The following SPINK13 variants were observed in gnomAD, a reference collection of about 807,000 sequenced individuals.
SPINK13 encodes serine peptidase inhibitor Kazal type 13.
In SPINK13, 11 loss-of-function variants were observed where a neutral mutation model predicts 11.0. The observed-to-expected ratio is 1.00, with a 90% CI of 0.63 to 1.65. SPINK13 has a LOEUF of 1.65. Ranked by LOEUF, SPINK13 falls within the 40% of genes most tolerant of loss-of-function variation. SPINK13 has a pLI of 0.00. For synonymous variants in SPINK13, 31 were observed against 35.6 expected, an observed-to-expected ratio of 0.87 and a Z score of 0.46; for missense variants, 113 against 117.7, an observed-to-expected ratio of 0.96 and a Z score of 0.19.
At chr5:148,275,122 T>C (rs1756405925) in intron 3 of SPINK13, among the ~76,000 whole-genome samples, 1 of 152,144 alleles carries the variant, frequency 6.6e-6, no homozygotes, top group Non-Finnish European at 1.5e-5. Flanking sequence ...CTCCTAATGC[T>C]ATTCCTCCCC....
chr5:148,280,707 A>C (rs946037736), intron 3 of SPINK13, among the ~76,000 whole-genome samples: 2 of 152,092 alleles, frequency 1.3e-5, no homozygotes, highest in Admixed American at 1.3e-4. Flanking sequence ...CTCCTCTTTG[A>C]GGTGTCCGTA....
Position 148,270,063 on chromosome 5 carries a change from A to T in SPINK13, c.-10A>T. On this transcript the variant is annotated 5_prime_UTR_variant, in exon 2 of 5. It removes an upstream start codon present in the reference 5' UTR. Transcript: ENST00000398450. ...AGGCCTTATCAAAGAAGAGTCTTAT[A>T]TGAGATCAAATGGCTGCCTTTCCCC... 6.2e-7 allele frequency: 1 copy of T among 1,613,890 alleles called. No homozygotes were observed. The highest frequency in any genetic ancestry group is 1.1e-5 in the South Asian group (1 of 91,074).
At chr5:148,280,308 A>G (rs183226249) in intron 3 of SPINK13, among the ~76,000 whole-genome samples, 254 of 152,068 alleles carry the variant, frequency 1.7e-3, no homozygotes, top group African/African-American at 5.9e-3. Flanking sequence ...CTCATTCTCC[A>G]TCTAGTTTTG....
intron 2 of SPINK13, among the ~76,000 whole-genome samples, chr5:148,271,653 G>T (rs962822278): frequency 6.6e-6 from 1 of 151,742 alleles, no homozygotes; most frequent in Non-Finnish European, 1.5e-5. Context: ...GTTTTGTTTT[G>T]TTCTGTTGGA....
chr5:148,277,627 G>T (rs534465297), intron 3 of SPINK13, among the ~76,000 whole-genome samples: 1 of 152,154 alleles, frequency 6.6e-6, no homozygotes, highest in Non-Finnish European at 1.5e-5. Flanking sequence ...GGATGAAGCC[G>T]ACTTGATCAT....
At chr5:148,278,185 A>G (rs1045087181) in intron 3 of SPINK13, among the ~76,000 whole-genome samples, 4 of 151,740 alleles carry the variant, frequency 2.6e-5, no homozygotes, top group African/African-American at 9.7e-5. Context: ...TCTGGCTAGC[A>G]GTCTATCTGT....
Position 148,282,155 on chromosome 5 carries a change from C to T in SPINK13, c.160C>T (p.Pro54Ser). 1 of 1,614,150 alleles carries T rather than the reference C, an allele frequency of 6.2e-7. No individual in the cohort carries two copies. Among genetic ancestry groups the T allele is most frequent in the Non-Finnish European group, 8.5e-7 (1 of 1,180,028 alleles). Reference protein sequence around the residue: ...PLDPDYNADCPNVTAPVCASN... With the variant: ...PLDPDYNADCSNVTAPVCASN... ...GGACCCTGATTACAATGCAGACTGC[C>T]CCAATGTGACAGCACCTGTTTGTGC... is the stretch of plus-strand genomic sequence containing the variant. Residue 54 changes from proline to serine, a missense_variant, in exon 4 of 5, where the codon CCC (proline) becomes TCC (serine). Pro to Ser is a moderately conservative substitution (Grantham distance 74). Transcript: ENST00000398450.
At chr5:148,271,997 T>G (rs951448741) in intron 2 of SPINK13, among the ~76,000 whole-genome samples, 1 of 152,220 alleles carries the variant, frequency 6.6e-6, no homozygotes, top group Non-Finnish European at 1.5e-5. Flanking sequence ...TTTTCCTACA[T>G]ATTGTTTAAA....
At chr5:148,284,604 T>G (rs1309765981) in intron 4 of SPINK13, among the ~76,000 whole-genome samples, 5 of 152,174 alleles carry the variant, frequency 3.3e-5, no homozygotes, top group Admixed American at 2.0e-4. Context: ...AACTTAATTT[T>G]CATGCCATTT....
At chr5:148,284,957 G>A (rs1202202494) in intron 4 of SPINK13, among the ~76,000 whole-genome samples, 1 of 152,124 alleles carries the variant, frequency 6.6e-6, no homozygotes, top group Non-Finnish European at 1.5e-5. Flanking sequence ...TTGACAAAAA[G>A]AACATATGCA....
chr5:148,282,370 A>G (rs1756529444), intron 4 of SPINK13, 139 bp downstream of exon 4: 1 of 1,006,556 alleles, frequency 9.9e-7, no homozygotes, highest in Non-Finnish European at 1.4e-6. Flanking sequence ...AAAACTGGGG[A>G]CAGACTACAG....
At chr5:148,284,422 A>G (rs1287062548) in intron 4 of SPINK13, among the ~76,000 whole-genome samples, 1 of 152,156 alleles carries the variant, frequency 6.6e-6, no homozygotes. Flanking sequence ...AGAATAAATG[A>G]AGAGCCCTGC....
intron 2 of SPINK13, among the ~76,000 whole-genome samples, chr5:148,271,081 G>T (rs894286803): frequency 6.6e-6 from 1 of 152,174 alleles, no homozygotes; most frequent in Non-Finnish European, 1.5e-5. Flanking sequence ...TAGTACACCT[G>T]CAAATAAATT....
intron 4 of SPINK13, among the ~76,000 whole-genome samples, chr5:148,284,861 C>T (rs969812570): frequency 6.6e-6 from 1 of 152,142 alleles, no homozygotes; most frequent in East Asian, 1.9e-4. Context: ...CTCAAGCCTA[C>T]TCAGCCTAGC....
intron 3 of SPINK13, among the ~76,000 whole-genome samples, chr5:148,277,906 G>A (rs1216331393): frequency 1.3e-5 from 2 of 152,032 alleles, no homozygotes; most frequent in Non-Finnish European, 2.9e-5. Flanking sequence ...CTGGTCCTGG[G>A]CTTTTTTTGG....
chr5:148,285,455 G>A (rs183103435), intron 4 of SPINK13, among the ~76,000 whole-genome samples: 2 of 152,262 alleles, frequency 1.3e-5, no homozygotes, highest in African/African-American at 2.4e-5. Flanking sequence ...TCAAATAAGT[G>A]TGCAGTGTCT....
intron 3 of SPINK13, among the ~76,000 whole-genome samples, chr5:148,281,807 T>C (rs1278383487): frequency 6.6e-6 from 1 of 152,230 alleles, no homozygotes; most frequent in Admixed American, 6.5e-5. Context: ...GTCTGTCCTC[T>C]AGAAGTTCAC....
intron 4 of SPINK13, among the ~76,000 whole-genome samples, chr5:148,283,005 G>A (rs1756540153): frequency 6.6e-6 from 1 of 152,126 alleles, no homozygotes; most frequent in Non-Finnish European, 1.5e-5. Context: ...TTATTATAAT[G>A]AAAGGATACA....
chr5:148,270,037 C>T lies in SPINK13; in HGVS notation c.-33-3C>T, dbSNP rs371318128. 7 of 1,605,034 alleles carry T rather than the reference C, an allele frequency of 4.4e-6. No homozygotes were observed. Among genetic ancestry groups the T allele is most frequent in the Non-Finnish European group, 5.1e-6 (6 of 1,172,390 alleles). On this transcript the variant is annotated splice_region_variant and splice_polypyrimidine_tract_variant and intron_variant, in intron 1 of 4. Transcript: ENST00000398450. ...CTAAAAACAATCTTGGGCATGTTCA[C>T]AGGCCTTATCAAAGAAGAGTCTTAT...
Sources: allele counts gnomAD v4.1 joint callset (sites outside exome capture counted in the v4.1 genomes callset), GRCh38; gene constraint gnomAD v4.1.1; transcripts MANE v1.5; gene names NCBI Gene and HGNC (gene_info 2026-07-23, HGNC 2026-07-21).